CCT5: variants seen among roughly 807,000 people sequenced by gnomAD.
CCT5 encodes the protein T-complex protein 1 subunit epsilon.
In CCT5, 6 loss-of-function variants were observed where a neutral mutation model predicts 55.0. That is an observed-to-expected ratio of 0.11 (90% confidence interval 0.06 to 0.22). The LOEUF (loss-of-function observed/expected upper bound fraction) is 0.22. Ranked by LOEUF, CCT5 falls within the 10% of genes least tolerant of loss-of-function variation. The pLI is 1.00. For synonymous variants in CCT5, 231 were observed against 243.7 expected (o/e 0.95, Z 0.49); for missense variants, 560 against 694.6 (o/e 0.81, Z 2.18).
rs1370724324 is a variant in CCT5 at position 10,263,310 on chromosome 5, A to G, written c.1494A>G (p.Thr498=). The change falls in exon 10 of 11, where the codon ACA becomes ACG. Residue 498 remains threonine, a synonymous_variant. Coordinates refer to ENST00000280326, the MANE Select transcript of CCT5 (RefSeq NM_012073.5). ...ALGIDCLHKG[T]NDMKQQHVIE... The stretch of plus-strand genomic sequence containing the variant: ...GCATCGACTGTTTGCACAAGGGGAC[A>G]AATGGTGAGGAGCTGTCACGCCTCT... 6.2e-7 allele frequency: 1 copy of G among 1,600,262 alleles called. No individual in the cohort carries two copies. The highest frequency in any genetic ancestry group is 1.4e-5 in the African/African-American group (1 of 71,880).
At chr5:10,257,946 GAATCT>G in intron 4 of CCT5, 160 bp from the exon 5 acceptor site, 2 of 723,656 alleles carry the variant, frequency 2.8e-6, no homozygotes, top group South Asian at 3.3e-5. Flanking sequence ...CACAGGTTAA[GAATCT>G]GCCCCAGACT....
At position 10,263,216 on chromosome 5, in the gene CCT5, G is replaced by C. The variant is rs745574825; in HGVS notation, c.1400G>C (p.Gly467Ala). ...CCCATGGCCCTCTCTGAAAACAGTG[G>C]CATGAATCCCATCCAGACTATGACC... Reference protein sequence around the residue: ...VIPMALSENSGMNPIQTMTEV... With the variant: ...VIPMALSENSAMNPIQTMTEV... Residue 467 changes from glycine (G) to alanine (A), a missense_variant, in exon 10 of 11, where the codon GGC becomes GCC. Coordinates refer to ENST00000280326, the MANE Select transcript of CCT5 (RefSeq NM_012073.5). 3.7e-6 allele frequency: 6 copies of C among 1,614,008 alleles called. No individual in the cohort carries two copies. In the South Asian group the frequency reaches 6.6e-5, roughly 18 times the overall value.
chr5:10,262,880 T>C (rs1393181238), intron 9 of CCT5, among the ~76,000 whole-genome samples: 1 of 152,266 alleles, frequency 6.6e-6, no homozygotes, highest in Non-Finnish European at 1.5e-5. Flanking sequence ...AAATTCAAAA[T>C]TAATATTATA....
chr5:10,262,409 AG>A lies in CCT5; in HGVS notation c.1180-70del, dbSNP rs1251465281. 10 of 1,531,932 alleles carry A rather than the reference AG, an allele frequency of 6.5e-6. No homozygotes were observed. The African/African-American group carries it at 1.4e-4, about 21-fold the overall frequency. 94.9% of individuals were successfully genotyped at this position (1,531,932 alleles called of 1,614,324 possible). On this transcript the variant is annotated intron_variant, in intron 8 of 10. Transcript: ENST00000280326. ...GAGCACAGCCTCTCTGTCTTTAAAA[AG>A]GTGCCAGATACTTGGCTCTAAATTG...
chr5:10,260,475 G>A (rs893351814), intron 6 of CCT5, among the ~76,000 whole-genome samples: 5 of 152,232 alleles, frequency 3.3e-5, no homozygotes, highest in Non-Finnish European at 7.3e-5. Flanking sequence ...TTTCCCCATG[G>A]TTGGGGAAGG....
intron 9 of CCT5, 96 bp downstream of exon 9, chr5:10,262,714 G>C (rs1021005116): frequency 7.6e-7 from 1 of 1,319,844 alleles, no homozygotes. Flanking sequence ...TGCAAAACAA[G>C]CATCGTGAGC....
rs1022411254 is a variant in CCT5 at position 10,250,518 on chromosome 5, G to T, written c.105+73G>T. The T allele has an allele frequency of 3.7e-5, 59 of 1,586,752 alleles. 1 individual carries two copies. The Middle Eastern group carries it at 1.4e-3, about 36-fold the overall frequency. ...AGGCCGTGGCTCTGCGCCTGCGCGA[G>T]TTGAGGAGCGGCTCTGCCATGTGCT... On this transcript the variant is annotated intron_variant, in intron 1 of 10. Coordinates refer to ENST00000280326, the MANE Select transcript of CCT5 (RefSeq NM_012073.5).
chr5:10,263,439 C>G (rs1189593439), intron 10 of CCT5, 125 bp downstream of exon 10: 1 of 863,918 alleles, frequency 1.2e-6, no homozygotes, highest in Non-Finnish European at 1.8e-6. Flanking sequence ...TTCAGGTGTT[C>G]AAGTCCTGAA....
At chr5:10,260,333 T>G (rs889076968) in intron 6 of CCT5, among the ~76,000 whole-genome samples, 1 of 152,212 alleles carries the variant, frequency 6.6e-6, no homozygotes, top group African/African-American at 2.4e-5. Flanking sequence ...CGAATTAGTT[T>G]ATGGATCCAC....
At position 10,260,822 on chromosome 5, in the gene CCT5, T is replaced by G; in HGVS notation, c.904T>G (p.Cys302Gly). 6.2e-7 allele frequency: 1 copy of G among 1,614,134 alleles called. No individual in the cohort carries two copies. The highest frequency in any genetic ancestry group is 2.2e-5 in the East Asian group (1 of 44,888). ...AGAGACTGGTGCTAACCTAGCAATT[T>G]GTCAGTGGGGCTTTGATGATGAAGC... ...IKETGANLAICQWGFDDEANH... is the reference protein window; with the variant it reads ...IKETGANLAIGQWGFDDEANH... Residue 302 changes from cysteine to glycine, a missense_variant, in exon 7 of 11, where the codon TGT (cysteine) becomes GGT (glycine). Physicochemically the swap from Cys to Gly is radical, Grantham distance 159 (BLOSUM62 -3). This residue lies in a region of CCT5 where 256 missense variants were observed against 372.4 expected (regional missense o/e 0.69). Transcript: ENST00000280326.
At chr5:10,256,203 G>C (rs765947974) in intron 4 of CCT5, 50 bp downstream of exon 4, 7 of 1,510,218 alleles carry the variant, frequency 4.6e-6, no homozygotes, top group South Asian at 3.5e-5. Flanking sequence ...GAGGCAGTTT[G>C]TTTGCCATTT....
At chr5:10,264,210 G>A (rs1037767112) in intron 10 of CCT5, among the ~76,000 whole-genome samples, 1 of 152,132 alleles carries the variant, frequency 6.6e-6, no homozygotes, top group African/African-American at 2.4e-5. Context: ...GGGACGCAGA[G>A]GTTCCAGTGA....
In CCT5 at chr5:10,258,142, A is replaced by G. The variant is rs1745774640; in HGVS notation, c.562A>G (p.Ile188Val). Residue 188 changes from isoleucine (I) to valine (V), a missense_variant, in exon 5 of 11, where the codon ATT (isoleucine) becomes GTT (valine). By Grantham distance (29) the Ile-to-Val change is conservative. Transcript: ENST00000280326. Reference protein sequence around the residue: ...VNSCHRQMAEIAVNAVLTVAD... With the variant: ...VNSCHRQMAEVAVNAVLTVAD... ...CAGTTGTCACCGACAGATGGCTGAGATTGCTGTGAATGCCGTCCTCACTGT... is the reference window on the plus strand; with the variant it reads ...CAGTTGTCACCGACAGATGGCTGAGGTTGCTGTGAATGCCGTCCTCACTGT... 6.2e-7 allele frequency: 1 copy of G among 1,614,062 alleles called. No homozygotes were observed. The highest frequency in any genetic ancestry group is 8.5e-7 in the Non-Finnish European group (1 of 1,180,034).
intron 9 of CCT5, 117 bp downstream of exon 9, chr5:10,262,735 T>A: frequency 1.8e-6 from 2 of 1,093,876 alleles, no homozygotes; most frequent in South Asian, 1.3e-5. Flanking sequence ...TGTGTGTAGG[T>A]GACAGGTGTT....
At chr5:10,254,011 T>G (rs970862167) in intron 1 of CCT5, 134 bp from the exon 2 acceptor site, 45 of 696,874 alleles carry the variant, frequency 6.5e-5, no homozygotes, top group Non-Finnish European at 1.0e-4. Flanking sequence ...TAAACCTGTC[T>G]GTTGCCCCTT....
chr5:10,254,321 C>A, intron 2 of CCT5, 116 bp downstream of exon 2: 2 of 770,566 alleles, frequency 2.6e-6, no homozygotes, highest in Non-Finnish European at 2.2e-6. Flanking sequence ...TTCCTTAACA[C>A]AGCCAAAATT....
intron 1 of CCT5, among the ~76,000 whole-genome samples, chr5:10,253,594 G>T (rs991869778): frequency 5.9e-5 from 9 of 152,152 alleles, no homozygotes; most frequent in African/African-American, 2.2e-4. Context: ...TGACAGTAAG[G>T]TGTTGTATGT....
At position 10,250,459 on chromosome 5, in the gene CCT5, G is replaced by GA. The variant is rs1745320529; in HGVS notation, c.105+15dup. On this transcript the variant is annotated intron_variant, in intron 1 of 10. Transcript: ENST00000280326. ...GAGGCCCTCAAGGTAATGGCACAGG[G>GA]ACCTGCTCGCGGTGGGCTAAGGGGA... 1 of 1,612,190 alleles carries GA rather than the reference G, an allele frequency of 6.2e-7. No homozygotes were observed.
At chr5:10,253,956 G>A (rs1026646669) in intron 1 of CCT5, among the ~76,000 whole-genome samples, 189 bp from the exon 2 acceptor site, 8 of 152,184 alleles carry the variant, frequency 5.3e-5, no homozygotes, top group African/African-American at 7.2e-5. Flanking sequence ...CTTTCTTTAC[G>A]TAAGAATTGC....
Sources: gnomAD v4.1 joint callset for allele counts (sites outside exome capture counted in the v4.1 genomes callset) on GRCh38, gnomAD v4.1.1 for gene constraint, gnomAD v4.1.1 regional missense constraint, MANE v1.5 for transcripts, NCBI Gene and HGNC (gene_info 2026-07-23, HGNC 2026-07-21) for gene names.